The following PLET1 variants were observed in gnomAD, a reference collection of about 807,000 sequenced individuals.
PLET1 encodes the protein placenta expressed transcript 1.
A neutral mutation model predicts 18.5 loss-of-function variants in PLET1; 20 were observed. That is an observed-to-expected ratio of 1.08 (90% CI 0.76 to 1.57). PLET1 has a LOEUF of 1.57. PLET1 is among the 40% of genes most tolerant of loss of function. PLET1 has a pLI of 0.00. For synonymous variants in PLET1, 93 were observed against 93.8 expected (o/e 0.99, Z 0.05); for missense variants, 256 against 246.4 (o/e 1.04, Z -0.26).
chr11:112,248,747 G>C lies in PLET1; in HGVS notation c.*52C>G, dbSNP rs1860125047. 6 of 1,526,126 alleles carry C rather than the reference G, an allele frequency of 3.9e-6. No homozygotes were observed. The highest frequency in any genetic ancestry group is 4.4e-6 in the Non-Finnish European group (5 of 1,126,796). The allele number at this position is 1,526,126 out of a possible 1,614,324, so 94.5% of individuals were successfully genotyped here. ...CGGTTCCCAGCACTAGCTTGGAACT[G>C]AATGTAGGAGGATGCAGTGGAGGCA... On this transcript the variant is annotated 3_prime_UTR_variant, in exon 4 of 4. Transcript: ENST00000338832.
In PLET1 at chr11:112,260,706, C is replaced by T. The variant is rs1860280076; in HGVS notation, c.-117G>A. 1.1e-6 allele frequency: 1 copy of T among 870,432 alleles called. No individual in the cohort carries two copies. Among genetic ancestry groups the T allele is most frequent in the Middle Eastern group, 3.6e-4 (1 of 2,814 alleles). The allele number at this position is 870,432 out of a possible 1,614,324, so 53.9% of individuals were successfully genotyped here. A position where few individuals can be genotyped will look rare whatever the true frequency, so the allele number is the denominator to read the frequency against. ...CATACATGCAGATCTTCTCCCTGCC[C>T]CTTCTGAATATACATTGGATTCTGG... is the stretch of plus-strand genomic sequence containing the variant. On this transcript the variant is annotated 5_prime_UTR_variant, in exon 1 of 4. Transcript: ENST00000338832.
At chr11:112,249,476 G>A (rs1404293094) in intron 3 of PLET1, among the ~76,000 whole-genome samples, 5 of 152,144 alleles carry the variant, frequency 3.3e-5, no homozygotes, top group Non-Finnish European at 5.9e-5. Context: ...CCAAAGCCCC[G>A]ACTCTGTTTC....
chr11:112,255,650 A>C, intron 1 of PLET1, 61 bp from the exon 2 acceptor site: 1 of 1,412,892 alleles, frequency 7.1e-7, no homozygotes, highest in Middle Eastern at 2.4e-4. Flanking sequence ...AGCTCGAGGG[A>C]TGAGGGCAGT....
rs1374394838 is a variant in PLET1, at chr11:112,260,389, G to C, written c.184+17C>G. The C allele has an allele frequency of 6.5e-7, 1 of 1,545,018 alleles. No individual in the cohort carries two copies. The highest frequency in any genetic ancestry group is 2.4e-5 in the East Asian group (1 of 40,884). ...CTCAGGGAACAAAGGACAGCAGAGA[G>C]CATGGCTTCTACTCACCAGAATAGA... On this transcript the variant is annotated intron_variant, in intron 1 of 3. Coordinates refer to ENST00000338832, the MANE Select transcript of PLET1 (RefSeq NM_001145024.1).
In PLET1 at chr11:112,248,974, A is replaced by AG; in HGVS notation, c.449-1_449insC (p.Leu150ProfsTer81). 7 of 1,550,104 alleles carry AG rather than the reference A, an allele frequency of 4.5e-6. No homozygotes were observed. Among genetic ancestry groups the AG allele is most frequent in the Non-Finnish European group, 6.1e-6 (7 of 1,146,880 alleles). On this transcript the variant is annotated frameshift_variant and splice_region_variant. Transcript: ENST00000338832. LOFTEE classifies it high-confidence loss of function. ...CTTGGCAGCTAAGGCTAAGGTTGAC[A>AG]CTGGAAAGGTGGTTGAGGGTGCGGT...
intron 2 of PLET1, among the ~76,000 whole-genome samples, chr11:112,254,629 A>AGT (rs1243084187): frequency 2.4e-5 from 1 of 41,764 alleles, no homozygotes. Context: ...GTGTGGTATG[A>AGT]GTGTGTGTGG....
intron 1 of PLET1, among the ~76,000 whole-genome samples, chr11:112,259,560 A>G (rs997076266): frequency 2.0e-5 from 3 of 152,228 alleles, no homozygotes; most frequent in African/African-American, 4.8e-5. Context: ...AGCCAGTTCT[A>G]TGACTTACTA....
intron 3 of PLET1, among the ~76,000 whole-genome samples, chr11:112,249,278 T>C (rs1381222492): frequency 6.6e-6 from 1 of 152,150 alleles, no homozygotes; most frequent in Non-Finnish European, 1.5e-5. Flanking sequence ...GCATTTGTTG[T>C]TGGGGTGGGT....
chr11:112,260,306 TTTTGTATAA>T (rs1184070581), intron 1 of PLET1, 91 bp downstream of exon 1: 1 of 1,186,540 alleles, frequency 8.4e-7, no homozygotes, highest in Non-Finnish European at 1.2e-6. Context: ...AAGACACATG[TTTTGTATAA>T]TTGAGAGTAG....
At chr11:112,260,094 C>CT (rs1337045459) in intron 1 of PLET1, among the ~76,000 whole-genome samples, 3 of 152,136 alleles carry the variant, frequency 2.0e-5, no homozygotes, top group Non-Finnish European at 4.4e-5. Context: ...ATGATTATCC[C>CT]TTAAAATGAT....
In PLET1 at chr11:112,260,395, C is replaced by G. The variant is rs746140735; in HGVS notation, c.184+11G>C. On this transcript the variant is annotated intron_variant, in intron 1 of 3. Transcript: ENST00000338832. The stretch of plus-strand genomic sequence containing the variant: ...GAACAAAGGACAGCAGAGAGCATGG[C>G]TTCTACTCACCAGAATAGACTGCAT... The G allele has an allele frequency of 6.5e-7, 1 of 1,547,670 alleles. No homozygotes were observed. The highest frequency in any genetic ancestry group is 1.2e-5 in the South Asian group (1 of 83,734).
intron 2 of PLET1, among the ~76,000 whole-genome samples, chr11:112,253,192 C>T (rs548665397): frequency 6.6e-6 from 1 of 152,236 alleles, no homozygotes; most frequent in African/African-American, 2.4e-5. Context: ...ACTGGGAGCT[C>T]ATATTTGATT....
At position 112,260,814 on chromosome 11, in the gene PLET1, C is replaced by T. The variant is rs1860281933; in HGVS notation, c.-225G>A. ...TGATTTTGCAAATTGCAGTTTTGCT[C>T]AAGAAAGGGAATGTCCTGAATATGG... On this transcript the variant is annotated 5_prime_UTR_variant, in exon 1 of 4. Coordinates refer to ENST00000338832, the MANE Select transcript of PLET1 (RefSeq NM_001145024.1). 1.9e-6 allele frequency: 1 copy of T among 521,068 alleles called. No homozygotes were observed. The highest frequency in any genetic ancestry group is 1.9e-5 in the African/African-American group (1 of 52,592). The allele number at this position is 521,068 out of a possible 1,614,324, so 32.3% of individuals were successfully genotyped here. A position where few individuals can be genotyped will look rare whatever the true frequency, so the allele number is the denominator to read the frequency against.
At chr11:112,256,760 C>T (rs1320167976) in intron 1 of PLET1, among the ~76,000 whole-genome samples, 3 of 152,212 alleles carry the variant, frequency 2.0e-5, no homozygotes, top group Non-Finnish European at 4.4e-5. Flanking sequence ...CCGCAGACCT[C>T]GACTTGCCCA....
intron 3 of PLET1, among the ~76,000 whole-genome samples, chr11:112,251,881 A>G (rs1265052160): frequency 6.6e-6 from 1 of 152,252 alleles, no homozygotes; most frequent in Non-Finnish European, 1.5e-5. Context: ...TGTAAGAACT[A>G]AAGACATTGC....
chr11:112,255,059 TGTGTGTGTGTGGTGTGTGTGGTATGTGTG>T (rs1860209270), intron 2 of PLET1, among the ~76,000 whole-genome samples: 2 of 85,740 alleles, frequency 2.3e-5, no homozygotes, highest in Admixed American at 1.4e-4. Flanking sequence ...GTGTGGTATG[TGTGTGTGTGTGGTGTGTGTGGTATGTGTG>T]GTGTGTGTGG....
chr11:112,256,792 T>C (rs1860228612), intron 1 of PLET1, among the ~76,000 whole-genome samples: 1 of 152,268 alleles, frequency 6.6e-6, no homozygotes, highest in African/African-American at 2.4e-5. Flanking sequence ...ACATCTGTTC[T>C]AGATCTGTGC....
In PLET1 at chr11:112,248,686, A is replaced by C; in HGVS notation, c.*113T>G. The C allele has an allele frequency of 7.9e-7, 1 of 1,264,044 alleles. No individual in the cohort carries two copies. Among genetic ancestry groups the C allele is most frequent in the Non-Finnish European group, 1.1e-6 (1 of 924,514 alleles). The allele number at this position is 1,264,044 out of a possible 1,614,324, so 78.3% of individuals were successfully genotyped here. A position where few individuals can be genotyped will look rare whatever the true frequency, so the allele number is the denominator to read the frequency against. Reference sequence around the variant, plus strand: ...TCTGAAGCCGTGGCAGCAAAGTTGCACATTTGAGAATGTAAAGCCTTCATT... The same window carrying C: ...TCTGAAGCCGTGGCAGCAAAGTTGCCCATTTGAGAATGTAAAGCCTTCATT... On this transcript the variant is annotated 3_prime_UTR_variant, in exon 4 of 4. Transcript: ENST00000338832.
At chr11:112,258,149 G>A (rs544511257) in intron 1 of PLET1, among the ~76,000 whole-genome samples, 12 of 152,088 alleles carry the variant, frequency 7.9e-5, no homozygotes, top group South Asian at 6.2e-4. Flanking sequence ...TCCACCTAAC[G>A]TCTCTGTGAC....
Sources: allele counts gnomAD v4.1 joint callset (sites outside exome capture counted in the v4.1 genomes callset), GRCh38; gene constraint gnomAD v4.1.1; transcripts MANE v1.5; gene names NCBI Gene and HGNC (gene_info 2026-07-23, HGNC 2026-07-21).